Variants in PCDH15 observed in about 807,000 individuals in gnomAD.
PCDH15 encodes protocadherin-15.
PCDH15 carries 129 observed loss-of-function variants against 178.5 expected under a neutral mutation model. The ratio of observed to expected loss-of-function variants is 0.72; its 90% CI spans 0.63 to 0.84. PCDH15 has a LOEUF of 0.84. PCDH15 is among the 40% of genes least tolerant of loss of function. PCDH15 has a pLI of 0.00. For synonymous variants in PCDH15, 800 were observed against 732.0 expected, an observed-to-expected ratio of 1.09 and a Z score of -1.50; for missense variants, 2,230 against 2,099.9, an observed-to-expected ratio of 1.06 and a Z score of -1.21.
intron 2 of PCDH15, among the ~76,000 whole-genome samples, chr10:54,534,048 G>C (rs750564544): frequency 6.6e-6 from 1 of 152,026 alleles, no homozygotes; most frequent in African/African-American, 2.4e-5. Flanking sequence ...TTTACAACAA[G>C]GACAAAATGA....
At chr10:54,227,680 G>A (rs2053600516) in intron 9 of PCDH15, among the ~76,000 whole-genome samples, 1 of 152,204 alleles carries the variant, frequency 6.6e-6, no homozygotes, top group Admixed American at 6.5e-5. Context: ...TTATCAGGCT[G>A]TAAATATTCT....
chr10:53,813,311 T>C (rs1013291372), intron 35 of PCDH15, among the ~76,000 whole-genome samples: 2 of 152,188 alleles, frequency 1.3e-5, no homozygotes, highest in African/African-American at 4.8e-5. Context: ...CCTGTAGGTA[T>C]TGACGCTTGC....
intron 1 of PCDH15, among the ~76,000 whole-genome samples, chr10:55,292,055 C>T (rs1035909027): frequency 6.6e-6 from 1 of 152,096 alleles, no homozygotes; most frequent in African/African-American, 2.4e-5. Flanking sequence ...ATTATTCCCC[C>T]CTAGCCCCTT....
chr10:54,472,502 C>T (rs1240563476), intron 3 of PCDH15, among the ~76,000 whole-genome samples: 1 of 151,924 alleles, frequency 6.6e-6, no homozygotes, highest in Non-Finnish European at 1.5e-5. Context: ...GTGTTTTTTT[C>T]AAAACCCACG....
intron 2 of PCDH15, among the ~76,000 whole-genome samples, chr10:54,908,798 C>T (rs1449813128): frequency 6.6e-6 from 1 of 152,120 alleles, no homozygotes; most frequent in African/African-American, 2.4e-5. Context: ...GTTCAGCTCT[C>T]AGCAGAGAGG....
intron 1 of PCDH15, among the ~76,000 whole-genome samples, chr10:54,707,522 AAAT>A (rs2095377564): frequency 6.6e-6 from 1 of 152,172 alleles, no homozygotes; most frequent in East Asian, 1.9e-4. Flanking sequence ...AATGGAGACT[AAAT>A]AAATACACAA....
chr10:54,527,686 G>A (rs2083485112), intron 3 of PCDH15, 126 bp downstream of exon 3: 2 of 592,472 alleles, frequency 3.4e-6, no homozygotes, highest in East Asian at 5.9e-5. Flanking sequence ...CCATACTGGA[G>A]GGGAATTATC....
At chr10:54,415,678 C>A (rs1189519717) in intron 3 of PCDH15, among the ~76,000 whole-genome samples, 2 of 151,642 alleles carry the variant, frequency 1.3e-5, no homozygotes, top group African/African-American at 2.4e-5. Context: ...ATCTATATAC[C>A]ACATATTATA....
intron 2 of PCDH15, among the ~76,000 whole-genome samples, chr10:55,592,497 T>C (rs1842862721): frequency 6.6e-6 from 1 of 152,136 alleles, no homozygotes; most frequent in African/African-American, 2.4e-5. Flanking sequence ...ATTATTTACC[T>C]CTCCCCTATA....
At chr10:54,958,755 A>G (rs1182545837) in intron 2 of PCDH15, among the ~76,000 whole-genome samples, 1 of 151,650 alleles carries the variant, frequency 6.6e-6, no homozygotes, top group Admixed American at 6.6e-5. Context: ...TGAAACAGAG[A>G]AAAGGATAGT....
At chr10:55,276,465 TTTA>T (rs1469130430) in intron 1 of PCDH15, among the ~76,000 whole-genome samples, 1 of 151,232 alleles carries the variant, frequency 6.6e-6, no homozygotes, top group Admixed American at 6.6e-5. Flanking sequence ...TATTTTAAAA[TTTA>T]TTGAGTTTAT....
chr10:55,111,771 A>G (rs1837511840), intron 2 of PCDH15, among the ~76,000 whole-genome samples: 2 of 152,142 alleles, frequency 1.3e-5, no homozygotes, highest in African/African-American at 4.8e-5. Flanking sequence ...TGAACCTGGG[A>G]GGCAGAGGGT....
chr10:54,543,539 C>G (rs760943532), intron 2 of PCDH15, among the ~76,000 whole-genome samples: 7 of 152,120 alleles, frequency 4.6e-5, no homozygotes, highest in Admixed American at 1.3e-4. Context: ...TTCATTGTTT[C>G]ACAATAAAGA....
intron 18 of PCDH15, among the ~76,000 whole-genome samples, chr10:54,058,676 A>G (rs1185980333): frequency 2.3e-5 from 3 of 128,210 alleles, no homozygotes; most frequent in Non-Finnish European, 4.8e-5. Context: ...ACATTAGAAC[A>G]TATTTCTTTC....
At chr10:53,918,484 T>A (rs1205482834) in intron 25 of PCDH15, among the ~76,000 whole-genome samples, 1 of 152,168 alleles carries the variant, frequency 6.6e-6, no homozygotes, top group African/African-American at 2.4e-5. Flanking sequence ...ATAGTAGTAC[T>A]GAATAAAGAA....
chr10:55,001,586 C>T (rs1839796200), intron 2 of PCDH15, among the ~76,000 whole-genome samples: 1 of 152,150 alleles, frequency 6.6e-6, no homozygotes. Flanking sequence ...TTTGCTGGCA[C>T]CTGGAGCTGC....
chr10:55,129,808 G>T (rs529739660), intron 2 of PCDH15, among the ~76,000 whole-genome samples: 2 of 152,064 alleles, frequency 1.3e-5, no homozygotes, highest in Non-Finnish European at 2.9e-5. Flanking sequence ...ATACAAAAAT[G>T]GATAAAACAT....
rs150396850 is a variant in PCDH15, at chr10:54,183,455, T to G, written c.1579A>C (p.Ser527Arg). Residue 527 changes from serine to arginine, a missense_variant, in exon 13 of 38, where the codon AGT becomes CGT. By Grantham distance (110) the Ser-to-Arg change is moderately radical (BLOSUM62 -1). Coordinates refer to ENST00000644397, the MANE Select transcript of PCDH15 (RefSeq NM_001384140.1). ...ATGTGAGTAGTTACCTGTATGACAC[T>G]GTCCCCAGGTCTCATGTCTGTATAA... is the stretch of plus-strand genomic sequence containing the variant. The part of the protein sequence containing the change: ...YVYTDMRPGD[S>R]VIQLTAVDAD... The G allele has an allele frequency of 2.5e-6, 4 of 1,612,436 alleles. No homozygotes were observed. Among genetic ancestry groups the G allele is most frequent in the Non-Finnish European group, 2.5e-6 (3 of 1,178,618 alleles).
intron 2 of PCDH15, among the ~76,000 whole-genome samples, chr10:54,616,314 G>A (rs2093151604): frequency 6.6e-6 from 1 of 152,012 alleles, no homozygotes; most frequent in African/African-American, 2.4e-5. Context: ...ACTGTCCTTA[G>A]ATTTTCTATG....
Sources: allele counts gnomAD v4.1 joint callset (sites outside exome capture counted in the v4.1 genomes callset), GRCh38; gene constraint gnomAD v4.1.1; transcripts MANE v1.5; gene names NCBI Gene and HGNC (gene_info 2026-07-23, HGNC 2026-07-21).